Variants in CATSPERT observed in about 807,000 individuals in gnomAD.
CATSPERT encodes cation channel sperm-associated targeting subunit tau.
the CATSPERT span, chr2:201,537,290 T>C: frequency 1.7e-6 from 1 of 582,954 alleles, no homozygotes; most frequent in East Asian, 2.9e-5. Flanking sequence ...AGTGTAACTA[T>C]ACAGATATTG....
the CATSPERT span, among the ~76,000 whole-genome samples, chr2:201,518,114 CA>C: frequency 6.6e-6 from 1 of 152,144 alleles, no homozygotes. Context: ...AAAAGGATGC[CA>C]GTCTGTAGGT....
the CATSPERT span, chr2:201,535,324 T>C: frequency 2.0e-6 from 2 of 983,776 alleles, no homozygotes; most frequent in South Asian, 9.4e-5. Flanking sequence ...ATATATCTTT[T>C]TATACCATTT....
At chr2:201,493,601 C>T in the CATSPERT span, 1 of 1,537,096 alleles carries the variant, frequency 6.5e-7, no homozygotes, top group Non-Finnish European at 8.7e-7. Flanking sequence ...ATTTCATCAG[C>T]ATTTTCTTCA....
At chr2:201,575,330 G>A in the CATSPERT span, 117 of 1,560,520 alleles carry the variant, frequency 7.5e-5, no homozygotes, top group Non-Finnish European at 9.2e-5. Context: ...ACCCTTTCTA[G>A]AAAAAAAAAT....
chr2:201,492,569 T>C, the CATSPERT span: 1 of 1,533,236 alleles, frequency 6.5e-7, no homozygotes, highest in Non-Finnish European at 8.7e-7. Context: ...TTTGGGTATA[T>C]AGTCTCAGAT....
At chr2:201,536,422 T>G in the CATSPERT span, 1 of 1,337,994 alleles carries the variant, frequency 7.5e-7, no homozygotes, top group Non-Finnish European at 9.9e-7. Context: ...CCCTTATCCT[T>G]TAGCATAACA....
At chr2:201,520,564 C>A in the CATSPERT span, among the ~76,000 whole-genome samples, 1 of 152,068 alleles carries the variant, frequency 6.6e-6, no homozygotes, top group African/African-American at 2.4e-5. Flanking sequence ...TCCTGAATAA[C>A]CACTGCGTGA....
chr2:201,547,471 A>C, the CATSPERT span: 1 of 1,134,732 alleles, frequency 8.8e-7, no homozygotes, highest in Non-Finnish European at 1.2e-6. Context: ...AAGTATTAAA[A>C]GCTATATATA....
chr2:201,605,059 T>TACATAC, the CATSPERT span, among the ~76,000 whole-genome samples: 3 of 149,750 alleles, frequency 2.0e-5, no homozygotes, highest in African/African-American at 7.4e-5. Context: ...TATATATACA[T>TACATAC]ACACACACAC....
chr2:201,547,384 C>T, the CATSPERT span: 1 of 556,280 alleles, frequency 1.8e-6, no homozygotes, highest in Non-Finnish European at 3.1e-6. Context: ...GTACCTGAAC[C>T]ATGAAAAATA....
At chr2:201,487,751 A>ACCT in the CATSPERT span, 1 of 1,614,022 alleles carries the variant, frequency 6.2e-7, no homozygotes, top group Non-Finnish European at 8.5e-7. Context: ...TTGCTTGTTA[A>ACCT]CCTCCGGAGC....
At chr2:201,603,868 T>C in the CATSPERT span, among the ~76,000 whole-genome samples, 1 of 152,166 alleles carries the variant, frequency 6.6e-6, no homozygotes, top group Admixed American at 6.5e-5. Flanking sequence ...TTAGCCATGT[T>C]TAGTATTTAA....
At chr2:201,594,205 C>G in the CATSPERT span, among the ~76,000 whole-genome samples, 9 of 152,156 alleles carry the variant, frequency 5.9e-5, no homozygotes, top group African/African-American at 1.9e-4. Flanking sequence ...ATTTGCTTGT[C>G]TGTAAAGTGT....
the CATSPERT span, chr2:201,534,781 G>GAA: frequency 0.72 from 683,570 of 944,440 alleles, 249,858 homozygotes; most frequent in East Asian, 0.95. Context: ...ATAAGCAAAA[G>GAA]TGTTAATTTC....
At chr2:201,574,883 G>T in the CATSPERT span, among the ~76,000 whole-genome samples, 1 of 151,998 alleles carries the variant, frequency 6.6e-6, no homozygotes, top group Non-Finnish European at 1.5e-5. Context: ...ATTAAGAACT[G>T]CAAACAACTC....
chr2:201,544,812 C>T, the CATSPERT span, among the ~76,000 whole-genome samples: 1 of 126,170 alleles, frequency 7.9e-6, no homozygotes, highest in Non-Finnish European at 1.7e-5. Context: ...TGGCAAAATC[C>T]TGTCTCTACA....
chr2:201,604,723 G>A, the CATSPERT span: 2 of 1,525,102 alleles, frequency 1.3e-6, no homozygotes, highest in Admixed American at 2.0e-5. Context: ...ATTAAGATTT[G>A]GGAAGAGAAA....
chr2:201,555,377 T>C, the CATSPERT span: 1 of 152,070 alleles, frequency 6.6e-6, no homozygotes, highest in Non-Finnish European at 1.5e-5. Flanking sequence ...TAGCCAGGCA[T>C]GGTAGCGCAT....
chr2:201,575,252 AAACTT>A, the CATSPERT span: 13 of 1,553,716 alleles, frequency 8.4e-6, no homozygotes, highest in East Asian at 3.0e-4. Context: ...CATGCACATA[AAACTT>A]AGGAAGTTTC....
Sources: allele counts gnomAD v4.1 joint callset (sites outside exome capture counted in the v4.1 genomes callset), GRCh38; gene constraint gnomAD v4.1.1; transcripts MANE v1.5; gene names NCBI Gene and HGNC (gene_info 2026-07-23, HGNC 2026-07-21).